Variants in JAK3 observed in about 807,000 individuals in gnomAD.
The protein encoded by JAK3 is Janus kinase 3, also known as tyrosine-protein kinase JAK3.
In JAK3, 88 loss-of-function variants were observed where a neutral mutation model predicts 120.8. The observed-to-expected ratio is 0.73, with a 90% confidence interval of 0.61 to 0.87. JAK3 has a LOEUF of 0.87. Ranked by LOEUF, JAK3 falls within the 40% of genes least tolerant of loss-of-function variation. The pLI, the probability that JAK3 is intolerant of heterozygous loss-of-function variation, is 0.00. For synonymous variants in JAK3, 592 were observed against 628.6 expected (o/e 0.94, Z 0.87); for missense variants, 1,254 against 1,501.4 (o/e 0.84, Z 2.72).
chr19:17,841,743 T>G lies in JAK3; in HGVS notation c.881A>C (p.Asp294Ala). The stretch of plus-strand genomic sequence containing the variant: ...GCTAATGTCTACGATTTCTGGAAAG[T>G]CGCAGAAGGGCTGGAGGACCTGGGA... The part of the protein sequence containing the change: ...GEQEVLQPFC[D>A]FPEIVDISIK... The change falls in exon 7 of 24, where the codon GAC (aspartate) becomes GCC (alanine). Residue 294 changes from aspartate (D) to alanine (A), a missense_variant. Physicochemically the swap from Asp to Ala is moderately radical, Grantham distance 126. Transcript: ENST00000458235. This position sits in a 1 kb window ranked among gnomAD's most constrained non-coding sequence, Gnocchi z 4.1. 6.2e-7 allele frequency: 1 copy of G among 1,608,926 alleles called. No homozygotes were observed. Among genetic ancestry groups the G allele is most frequent in the Non-Finnish European group, 8.5e-7 (1 of 1,179,940 alleles).
chr19:17,847,344 C>A (rs551768489), intron 1 of JAK3, among the ~76,000 whole-genome samples: 2 of 151,776 alleles, frequency 1.3e-5, no homozygotes, highest in South Asian at 4.2e-4. Context: ...TCCAAAACAA[C>A]AAAAAAATCT....
At position 17,826,609 on chromosome 19, in the gene JAK3, A is replaced by G. The variant is rs200718111; in HGVS notation, c.*134T>C. 24 of 981,558 alleles carry G rather than the reference A, an allele frequency of 2.4e-5. No individual in the cohort carries two copies. Among genetic ancestry groups the G allele is most frequent in the African/African-American group, 8.0e-5 (5 of 62,778 alleles). 60.8% of individuals were successfully genotyped at this position (981,558 alleles called of 1,614,324 possible). A position where few individuals can be genotyped will look rare whatever the true frequency, so the allele number is the denominator to read the frequency against. On this transcript the variant is annotated 3_prime_UTR_variant, in exon 24 of 24. Transcript: ENST00000458235. Reference sequence around the variant, plus strand: ...TCTACAGGCCACGGGAGCCCCCCCAAATGCAATGTCATGGGGGTGTTCCTG... The same window carrying G: ...TCTACAGGCCACGGGAGCCCCCCCAGATGCAATGTCATGGGGGTGTTCCTG...
In JAK3 at chr19:17,831,860, C is replaced by G. The variant is rs1806020265; in HGVS notation, c.2681-62G>C. 12 of 1,601,702 alleles carry G rather than the reference C, an allele frequency of 7.5e-6. No individual in the cohort carries two copies. The highest frequency in any genetic ancestry group is 2.2e-5 in the South Asian group (2 of 90,524). ...CCTGCTCGTCCCCCCATTCTTCCCC[C>G]CTTTCACAGTGGGACCTTGTGTCCC... On this transcript the variant is annotated intron_variant, in intron 19 of 23. Coordinates refer to ENST00000458235, the MANE Select transcript of JAK3 (RefSeq NM_000215.4). This position sits in a 1 kb window ranked among gnomAD's most constrained non-coding sequence, Gnocchi z 5.1.
Position 17,831,934 on chromosome 19 carries a change from A to T in JAK3, c.2681-136T>A. ...GTAATATGGGAACCGCAACAATGAC[A>T]CATTGCTAATATCTCTTGAGTACTT... On this transcript the variant is annotated intron_variant, in intron 19 of 23. Coordinates refer to ENST00000458235, the MANE Select transcript of JAK3 (RefSeq NM_000215.4). The surrounding 1 kb of genome is among the most constrained non-coding windows in gnomAD (Gnocchi z 5.1). 9.7e-7 allele frequency: 1 copy of T among 1,025,818 alleles called. No homozygotes were observed. The highest frequency in any genetic ancestry group is 1.5e-6 in the Non-Finnish European group (1 of 674,430). 63.5% of individuals were successfully genotyped at this position (1,025,818 alleles called of 1,614,324 possible). A position where few individuals can be genotyped will look rare whatever the true frequency, so the allele number is the denominator to read the frequency against.
In JAK3 at chr19:17,842,362, C is replaced by T. The variant is rs1195956859; in HGVS notation, c.815G>A (p.Arg272His). Residue 272 changes from arginine to histidine, a missense_variant, in exon 6 of 24, where the codon CGC (arginine) becomes CAC (histidine). Transcript: ENST00000458235. This position sits in a 1 kb window ranked among gnomAD's most constrained non-coding sequence, Gnocchi z 6.4. The stretch of plus-strand genomic sequence containing the variant: ...GGCGATGCCGCCGTCACCAGCCACG[C>T]GGAGCAGCCCCAGCCCGTCGTGGCC... ...LGGHDGLGLL[R>H]VAGDGGIAWT... 2 of 1,590,038 alleles carry T rather than the reference C, an allele frequency of 1.3e-6. No individual in the cohort carries two copies. Among genetic ancestry groups the T allele is most frequent in the Non-Finnish European group, 8.5e-7 (1 of 1,172,726 alleles).
chr19:17,839,574 G>C lies in JAK3; in HGVS notation c.1344C>G (p.Ser448Arg), dbSNP rs2094232583. The C allele has an allele frequency of 6.2e-7, 1 of 1,611,096 alleles. No homozygotes were observed. Among genetic ancestry groups the C allele is most frequent in the Non-Finnish European group, 8.5e-7 (1 of 1,178,948 alleles). Residue 448 changes from serine to arginine, a missense_variant, in exon 10 of 24, where the codon AGC becomes AGG. This residue lies in a region of JAK3 where 486 missense variants were observed against 503.0 expected (regional missense o/e 0.97). Coordinates refer to ENST00000458235, the MANE Select transcript of JAK3 (RefSeq NM_000215.4). ...FLLVGLSRPH[S>R]SLRELLATCW... ...AGGTTGCCAGGAGCTCTCGAAGACT[G>C]CTGTGGGGTCGGCTGAGGCCAACCA... is the stretch of plus-strand genomic sequence containing the variant.
At chr19:17,836,822 C>T in intron 13 of JAK3, 1 of 494,850 alleles carries the variant, frequency 2.0e-6, no homozygotes, top group Non-Finnish European at 3.8e-6. Flanking sequence ...CCTGGCCCAT[C>T]CTAGACTCCC....
intron 13 of JAK3, chr19:17,836,784 C>T: frequency 2.2e-6 from 1 of 459,948 alleles, no homozygotes; most frequent in South Asian, 2.0e-5. Flanking sequence ...CACACCCTGC[C>T]TGTCACATTC....
In JAK3 at chr19:17,843,352, CT is replaced by C. The variant is rs995730254; in HGVS notation, c.420+27del. On this transcript the variant is annotated intron_variant, in intron 4 of 23. Transcript: ENST00000458235. The surrounding 1 kb of genome is among the most constrained non-coding windows in gnomAD (Gnocchi z 5.4). The stretch of plus-strand genomic sequence containing the variant: ...TGTTGCCCCTTGGACCCCCAACCCC[CT>C]GGGTCAAACCCCAGGCAGAACCCCA... 5.2e-6 allele frequency: 8 copies of C among 1,550,282 alleles called. No homozygotes were observed. The African/African-American group carries it at 1.1e-4, about 21-fold the overall frequency.
rs567281702 is a variant in JAK3 at position 17,835,817 on chromosome 19, C to T, written c.1914+107G>A. On this transcript the variant is annotated intron_variant, in intron 14 of 23. Coordinates refer to ENST00000458235, the MANE Select transcript of JAK3 (RefSeq NM_000215.4). ...AACCTAAAATGCCCTCCCCTCGAACCCTTACCAAACTCCTATGCATACTAC... is the reference window on the plus strand; with the variant it reads ...AACCTAAAATGCCCTCCCCTCGAACTCTTACCAAACTCCTATGCATACTAC... 5.5e-4 allele frequency: 808 copies of T among 1,459,556 alleles called. 2 individuals are homozygous for T. The highest frequency in any genetic ancestry group is 4.0e-3 in the South Asian group (340 of 84,320). 90.4% of individuals were successfully genotyped at this position (1,459,556 alleles called of 1,614,324 possible).
In JAK3 at chr19:17,831,040, G is replaced by T. The variant is rs2094213363; in HGVS notation, c.2978+188C>A. Among the ~76,000 whole-genome samples, 1 of 150,132 alleles carries T rather than the reference G, an allele frequency of 6.7e-6. No individual in the cohort carries two copies. Among genetic ancestry groups the T allele is most frequent in the Non-Finnish European group, 1.5e-5 (1 of 67,376 alleles). Reference sequence around the variant, plus strand: ...GCTGGGGGCCGCTGACAGCAGGGCAGCGGGAGACAGAGGAGCCAGTGCTGT... The same window carrying T: ...GCTGGGGGCCGCTGACAGCAGGGCATCGGGAGACAGAGGAGCCAGTGCTGT... On this transcript the variant is annotated intron_variant, in intron 21 of 23. Transcript: ENST00000458235. This position sits in a 1 kb window ranked among gnomAD's most constrained non-coding sequence, Gnocchi z 5.1.
chr19:17,833,042 G>GTA (rs2094217342), intron 17 of JAK3, 113 bp from the exon 18 acceptor site: 2 of 1,511,418 alleles, frequency 1.3e-6, no homozygotes, highest in African/African-American at 2.8e-5. Context: ...GTGCATTATG[G>GTA]CAGGGCCATT....
rs535952673 is a variant in JAK3, at chr19:17,831,153, G to A, written c.2978+75C>T. ...AAGGCTGGGGAGCAAAGCAGCGGGAGGGGGCGGGGGCATGGCTGGGGGCGG... is the reference window on the plus strand; with the variant it reads ...AAGGCTGGGGAGCAAAGCAGCGGGAAGGGGCGGGGGCATGGCTGGGGGCGG... On this transcript the variant is annotated intron_variant, in intron 21 of 23. Transcript: ENST00000458235. This position sits in a 1 kb window ranked among gnomAD's most constrained non-coding sequence, Gnocchi z 5.1. 17 of 1,506,146 alleles carry A rather than the reference G, an allele frequency of 1.1e-5. No homozygotes were observed. Among genetic ancestry groups the A allele is most frequent in the Middle Eastern group, 2.2e-4 (1 of 4,546 alleles). The allele number at this position is 1,506,146 out of a possible 1,614,324, so 93.3% of individuals were successfully genotyped here. A position where few individuals can be genotyped will look rare whatever the true frequency, so the allele number is the denominator to read the frequency against.
In JAK3 at chr19:17,831,341, G is replaced by A. The variant is rs567601710; in HGVS notation, c.2865C>T (p.Ile955=). 5 of 1,611,270 alleles carry A rather than the reference G, an allele frequency of 3.1e-6. No homozygotes were observed. In the Admixed American group the frequency reaches 6.7e-5, roughly 21 times the overall value. ...TGACGTGTGCCTCGCTCTCCACGAG[G>A]ATGTTTCGGGCGGCCAGGTCGCGGT... The part of the protein sequence containing the change: ...CVHRDLAARN[I]LVESEAHVKI... Residue 955 remains isoleucine, a synonymous_variant, in exon 21 of 24, where the codon ATC becomes ATT. Transcript: ENST00000458235. The surrounding 1 kb of genome is among the most constrained non-coding windows in gnomAD (Gnocchi z 5.1).
rs1359825161 is a variant in JAK3 at position 17,838,245 on chromosome 19, T to C, written c.1569+18A>G. On this transcript the variant is annotated intron_variant, in intron 11 of 23. Transcript: ENST00000458235. Reference sequence around the variant, plus strand: ...GACCCCAGACTGAGGTATCGCCTCATTTCCCAGGGCCTCTTACCCACTCCA... The same window carrying C: ...GACCCCAGACTGAGGTATCGCCTCACTTCCCAGGGCCTCTTACCCACTCCA... The C allele has an allele frequency of 6.2e-7, 1 of 1,613,872 alleles. No individual in the cohort carries two copies. The highest frequency in any genetic ancestry group is 8.5e-7 in the Non-Finnish European group (1 of 1,180,018).
chr19:17,828,576 A>G (rs1027137490), intron 23 of JAK3, among the ~76,000 whole-genome samples: 1 of 149,582 alleles, frequency 6.7e-6, no homozygotes, highest in Non-Finnish European at 1.5e-5. Context: ...GTTTGTAGAG[A>G]CAAGGTCTCA....
rs1599878208 is a variant in JAK3, at chr19:17,841,873, A to C, written c.862-111T>G. On this transcript the variant is annotated intron_variant, in intron 6 of 23. Transcript: ENST00000458235. The surrounding 1 kb of genome is among the most constrained non-coding windows in gnomAD (Gnocchi z 4.1). ...CCACTCCCTATCCCTTTGCCATTCA[A>C]CCCTTCCAAGCCGCGCCCCCTCCTA... 4 of 1,495,940 alleles carry C rather than the reference A, an allele frequency of 2.7e-6. No homozygotes were observed. Among genetic ancestry groups the C allele is most frequent in the Admixed American group, 1.8e-5 (1 of 55,298 alleles). The allele number at this position is 1,495,940 out of a possible 1,614,324, so 92.7% of individuals were successfully genotyped here.
Position 17,832,994 on chromosome 19 carries a change from CT to C in JAK3, c.2351-66del, listed in dbSNP as rs2094217240. 6.4e-7 allele frequency: 1 copy of C among 1,564,548 alleles called. No individual in the cohort carries two copies. The highest frequency in any genetic ancestry group is 1.4e-5 in the African/African-American group (1 of 73,728). On this transcript the variant is annotated intron_variant, in intron 17 of 23. Coordinates refer to ENST00000458235, the MANE Select transcript of JAK3 (RefSeq NM_000215.4). The surrounding 1 kb of genome is among the most constrained non-coding windows in gnomAD (Gnocchi z 4.7). The stretch of plus-strand genomic sequence containing the variant: ...ATCCTGGGCCCCACTCCTGAGTTGA[CT>C]TGCTGTGCAACCTCCATCTGCATAT...
chr19:17,841,036 C>T lies in JAK3; in HGVS notation c.1142+353G>A, dbSNP rs2094237305. 1.3e-5 allele frequency among the ~76,000 whole-genome samples: 2 copies of T among 152,064 alleles called. No individual in the cohort carries two copies. Among genetic ancestry groups the T allele is most frequent in the South Asian group, 4.2e-4 (2 of 4,806 alleles). ...TCTCTCCTGTTGCCTAGACTTGTCTCCAACTCCTGAGTTCAAACAATCCTC... is the reference window on the plus strand; with the variant it reads ...TCTCTCCTGTTGCCTAGACTTGTCTTCAACTCCTGAGTTCAAACAATCCTC... On this transcript the variant is annotated intron_variant, in intron 8 of 23. Coordinates refer to ENST00000458235, the MANE Select transcript of JAK3 (RefSeq NM_000215.4). This position sits in a 1 kb window ranked among gnomAD's most constrained non-coding sequence, Gnocchi z 4.1.
Sources: gnomAD v4.1 joint callset for allele counts (sites outside exome capture counted in the v4.1 genomes callset) on GRCh38, gnomAD v4.1.1 for gene constraint, gnomAD v4.1.1 regional missense constraint, Gnocchi (gnomAD v3.1) non-coding constraint, MANE v1.5 for transcripts, NCBI Gene and HGNC (gene_info 2026-07-23, HGNC 2026-07-21) for gene names.